Variants in PIAS3 observed in about 807,000 individuals in gnomAD.
PIAS3 encodes the protein E3 SUMO-protein ligase PIAS3.
Under a neutral mutation model 67.6 loss-of-function variants are expected in PIAS3, and 34 were observed. The ratio of observed to expected loss-of-function variants is 0.50; its 90% CI spans 0.38 to 0.67. The LOEUF is 0.67. Among genes scored for constraint, PIAS3 ranks in the 30% least tolerant of loss-of-function variants. PIAS3 has a pLI of 0.00. For missense variants in PIAS3, 693 were observed against 791.6 expected, an observed-to-expected ratio of 0.88 and a Z score of 1.49; for synonymous variants, 341 against 313.8, an observed-to-expected ratio of 1.09 and a Z score of -0.92.
intron 9 of PIAS3, 69 bp from the exon 10 acceptor site, chr1:145,851,222 A>G: frequency 6.7e-7 from 1 of 1,487,260 alleles, no homozygotes; most frequent in Non-Finnish European, 9.4e-7. Context: ...GAGTTCTGTA[A>G]CTCACCTTCC....
At chr1:145,858,881 G>T in intron 1 of PIAS3, 86 bp downstream of exon 1, 1 of 1,288,192 alleles carries the variant, frequency 7.8e-7, no homozygotes, top group Non-Finnish European at 1.0e-6. Context: ...GCCCACCCGA[G>T]CCCCGGCACC....
Position 145,858,995 on chromosome 1 carries a change from A to G in PIAS3, c.-5T>C. On this transcript the variant is annotated 5_prime_UTR_variant, in exon 1 of 14. Transcript: ENST00000393045. ...TAATTCGCCCAGCTCCGCCATCTTGAGACATCGCAGGCGCCCCAGCCGGAG... is the reference window on the plus strand; with the variant it reads ...TAATTCGCCCAGCTCCGCCATCTTGGGACATCGCAGGCGCCCCAGCCGGAG... 1 of 1,544,056 alleles carries G rather than the reference A, an allele frequency of 6.5e-7. No homozygotes were observed. Among genetic ancestry groups the G allele is most frequent in the Non-Finnish European group, 8.7e-7 (1 of 1,146,098 alleles).
Position 145,854,036 on chromosome 1 carries a change from G to A in PIAS3, c.911-150C>T, listed in dbSNP as rs1271395118. 37 of 637,918 alleles carry A rather than the reference G, an allele frequency of 5.8e-5. No individual in the cohort carries two copies. In the Admixed American group the frequency reaches 9.5e-4, roughly 16 times the overall value. The allele number at this position is 637,918 out of a possible 1,614,324, so 39.5% of individuals were successfully genotyped here. A position where few individuals can be genotyped will look rare whatever the true frequency, so the allele number is the denominator to read the frequency against. On this transcript the variant is annotated intron_variant, in intron 7 of 13. Transcript: ENST00000393045. ...TGGGACGTCACATGGAAGTGGTCTGGGATATGGATGATGAAGGCTGGGTGT... is the reference window on the plus strand; with the variant it reads ...TGGGACGTCACATGGAAGTGGTCTGAGATATGGATGATGAAGGCTGGGTGT...
At position 145,856,920 on chromosome 1, in the gene PIAS3, G is replaced by T. The variant is rs994154843; in HGVS notation, c.111C>A (p.Leu37=). 1 of 1,614,154 alleles carries T rather than the reference G, an allele frequency of 6.2e-7. No individual in the cohort carries two copies. Among genetic ancestry groups the T allele is most frequent in the Non-Finnish European group, 8.5e-7 (1 of 1,179,990 alleles). Reference sequence around the variant, plus strand: ...TCAGGAGGTGCAGAGCCTTGGCCAGGAGCTCGTGCTTCCGTCCACTCTTGT... The same window carrying T: ...TCAGGAGGTGCAGAGCCTTGGCCAGTAGCTCGTGCTTCCGTCCACTCTTGT... ...GRNKSGRKHE[L]LAKALHLLKS... Residue 37 remains leucine, a synonymous_variant, in exon 2 of 14, where the codon CTC becomes CTA. Coordinates refer to ENST00000393045, the MANE Select transcript of PIAS3 (RefSeq NM_006099.3).
intron 8 of PIAS3, 35 bp downstream of exon 8, chr1:145,853,778 C>T (rs1302852602): frequency 1.9e-6 from 3 of 1,610,648 alleles, no homozygotes; most frequent in African/African-American, 1.3e-5. Context: ...ACCCAACTCC[C>T]TTCCCACCCT....
At chr1:145,852,038 A>G (rs182315852) in intron 9 of PIAS3, among the ~76,000 whole-genome samples, 11 of 152,218 alleles carry the variant, frequency 7.2e-5, no homozygotes, top group Admixed American at 7.2e-4. Context: ...AAGTCCATAA[A>G]CCATCTCCAA....
At chr1:145,852,683 T>C (rs1653010972) in intron 9 of PIAS3, among the ~76,000 whole-genome samples, 1 of 151,974 alleles carries the variant, frequency 6.6e-6, no homozygotes, top group Non-Finnish European at 1.5e-5. Context: ...CTCAAACTCC[T>C]GGGTTCAAGC....
chr1:145,853,980 G>A, intron 7 of PIAS3, 94 bp from the exon 8 acceptor site: 1 of 1,098,080 alleles, frequency 9.1e-7, no homozygotes, highest in South Asian at 1.3e-5. Flanking sequence ...CTGGCTGAGA[G>A]GCTGCTGGGT....
At chr1:145,851,374 G>A (rs1401689723) in intron 9 of PIAS3, 1 of 529,258 alleles carries the variant, frequency 1.9e-6, no homozygotes, top group Non-Finnish European at 3.4e-6. Context: ...TACAATCTGA[G>A]GCTGGGTGCA....
chr1:145,857,819 T>G (rs587617507), intron 1 of PIAS3, among the ~76,000 whole-genome samples: 17 of 152,238 alleles, frequency 1.1e-4, no homozygotes, highest in Admixed American at 3.3e-4. Context: ...ACAGAGAAAT[T>G]AATACTCCTC....
chr1:145,854,223 G>C, intron 7 of PIAS3: 1 of 599,344 alleles, frequency 1.7e-6, no homozygotes, highest in Non-Finnish European at 3.0e-6. Flanking sequence ...GCTGGAGTTA[G>C]GGACTGTGAG....
At chr1:145,854,121 A>G (rs1553735002) in intron 7 of PIAS3, 1 of 598,072 alleles carries the variant, frequency 1.7e-6, no homozygotes, top group Non-Finnish European at 3.0e-6. Context: ...GCTATGTTAG[A>G]GATGATCTGG....
chr1:145,856,489 C>T (rs1267318286), intron 2 of PIAS3, 58 bp from the exon 3 acceptor site: 69 of 1,599,134 alleles, frequency 4.3e-5, no homozygotes, highest in Non-Finnish European at 5.9e-5. Flanking sequence ...ACAGAAATCG[C>T]CCCCATCCCA....
At chr1:145,858,839 C>T (rs1653302958) in intron 1 of PIAS3, 128 bp downstream of exon 1, 1 of 741,956 alleles carries the variant, frequency 1.3e-6, no homozygotes, top group Non-Finnish European at 2.0e-6. Context: ...TCTCTCCCAT[C>T]CTCAGCAGCT....
At chr1:145,857,083 A>G in intron 1 of PIAS3, 77 bp from the exon 2 acceptor site, 1 of 1,321,792 alleles carries the variant, frequency 7.6e-7, no homozygotes, top group Non-Finnish European at 1.1e-6. Context: ...CTGAGCTACC[A>G]GGTGGGCAGT....
At chr1:145,856,214 T>G in intron 3 of PIAS3, 96 bp from the exon 4 acceptor site, 2 of 1,284,818 alleles carry the variant, frequency 1.6e-6, no homozygotes, top group Non-Finnish European at 2.3e-6. Context: ...GTCCAGGAGA[T>G]AGAGAAGAGA....
chr1:145,855,002 A>G, intron 5 of PIAS3, 122 bp from the exon 6 acceptor site: 1 of 1,179,562 alleles, frequency 8.5e-7, no homozygotes, highest in South Asian at 1.4e-5. Flanking sequence ...TCGCTCACTC[A>G]CTGACCAAGG....
In PIAS3 at chr1:145,849,216, T is replaced by C. The variant is rs987352613; in HGVS notation, c.*230A>G. 6 of 380,856 alleles carry C rather than the reference T, an allele frequency of 1.6e-5. No homozygotes were observed. Among genetic ancestry groups the C allele is most frequent in the African/African-American group, 1.2e-4 (6 of 48,242 alleles). The allele number at this position is 380,856 out of a possible 1,614,324, so 23.6% of individuals were successfully genotyped here. On this transcript the variant is annotated 3_prime_UTR_variant, in exon 14 of 14. Coordinates refer to ENST00000393045, the MANE Select transcript of PIAS3 (RefSeq NM_006099.3). ...ACATACCCAAAGGAATGTGCCACCA[T>C]CTAAAGAACATTTCCAGAAACAGAC...
rs782613526 is a variant in PIAS3, at chr1:145,853,863, G to A, written c.934C>T (p.Pro312Ser). 1.2e-5 allele frequency: 19 copies of A among 1,614,030 alleles called. No individual in the cohort carries two copies. In the South Asian group the frequency reaches 1.5e-4, roughly 13 times the overall value. Residue 312 changes from proline to serine, a missense_variant, in exon 8 of 14, where the codon CCT (proline) becomes TCT (serine). Transcript: ENST00000393045. Reference protein sequence around the residue: ...ALIKEKLTADPDSEVATTSLR... With the variant: ...ALIKEKLTADSDSEVATTSLR... Reference sequence around the variant, plus strand: ...CTTGTAGTGGCCACCTCACTGTCAGGGTCAGCAGTCAATTTCTCCTTGACT... The same window carrying A: ...CTTGTAGTGGCCACCTCACTGTCAGAGTCAGCAGTCAATTTCTCCTTGACT...
Sources: allele counts gnomAD v4.1 joint callset (sites outside exome capture counted in the v4.1 genomes callset), GRCh38; gene constraint gnomAD v4.1.1; transcripts MANE v1.5; gene names NCBI Gene and HGNC (gene_info 2026-07-23, HGNC 2026-07-21).